Variants in LRP5 observed in about 807,000 individuals in gnomAD.
LRP5 encodes the protein LDL receptor related protein 5.
LRP5 carries 62 observed loss-of-function variants against 154.1 expected under a neutral mutation model. The ratio of observed to expected loss-of-function variants is 0.40; its 90% CI spans 0.33 to 0.50. The LOEUF is 0.50. Ranked by LOEUF, LRP5 falls within the 20% of genes least tolerant of loss-of-function variation. The pLI is 0.55. For missense variants in LRP5, 1,915 were observed against 2,336.7 expected, an observed-to-expected ratio of 0.82 and a Z score of 3.72; for synonymous variants, 966 against 1,011.5, an observed-to-expected ratio of 0.96 and a Z score of 0.85.
At chr11:68,334,814 C>T (rs182637958) in intron 1 of LRP5, among the ~76,000 whole-genome samples, 1 of 152,142 alleles carries the variant, frequency 6.6e-6, no homozygotes, top group Admixed American at 6.5e-5. Flanking sequence ...TGCAGTGAGT[C>T]GAGATCACGC....
At position 68,406,720 on chromosome 11, in the gene LRP5, C is replaced by G; in HGVS notation, c.1998C>G (p.Asp666Glu). The change falls in exon 9 of 23, where the codon GAC (aspartate) becomes GAG (glutamate). Residue 666 changes from aspartate to glutamate, a missense_variant. Coordinates refer to ENST00000294304, the MANE Select transcript of LRP5 (RefSeq NM_002335.4). ...HRISLETNNNDVAIPLTGVKE... is the reference protein window; with the variant it reads ...HRISLETNNNEVAIPLTGVKE... The stretch of plus-strand genomic sequence containing the variant: ...TCTCCCTCGAGACCAATAACAACGA[C>G]GTGGCCATCCCGCTCACGGGCGTCA... The G allele has an allele frequency of 6.2e-7, 1 of 1,614,184 alleles. No individual in the cohort carries two copies. The highest frequency in any genetic ancestry group is 8.5e-7 in the Non-Finnish European group (1 of 1,180,034).
At chr11:68,373,407 G>A (rs1022369815) in intron 5 of LRP5, among the ~76,000 whole-genome samples, 16 of 152,124 alleles carry the variant, frequency 1.1e-4, no homozygotes, top group Non-Finnish European at 2.1e-4. Context: ...GCCCCGCACT[G>A]CTGTGTGCCT....
chr11:68,319,224 T>C (rs911074875), intron 1 of LRP5, among the ~76,000 whole-genome samples: 8 of 152,204 alleles, frequency 5.3e-5, no homozygotes, highest in Middle Eastern at 3.4e-3. Flanking sequence ...TCTGCCACCA[T>C]GCCCAGCTAA....
At chr11:68,424,081 C>G (rs1437892610) in intron 14 of LRP5, among the ~76,000 whole-genome samples, 1 of 152,214 alleles carries the variant, frequency 6.6e-6, no homozygotes, top group Non-Finnish European at 1.5e-5. Context: ...CTCCCAGAGG[C>G]CCCCGACGCT....
chr11:68,339,487 A>G (rs1056265280), intron 1 of LRP5, among the ~76,000 whole-genome samples: 4 of 151,912 alleles, frequency 2.6e-5, no homozygotes, highest in African/African-American at 7.3e-5. Flanking sequence ...AGCTGGTATT[A>G]CAGGCGCCCT....
Position 68,413,707 on chromosome 11 carries a change from T to TCC in LRP5, c.2522_2523insCC (p.Ala842LeufsTer11). 1 of 1,613,820 alleles carries TCC rather than the reference T, an allele frequency of 6.2e-7. No individual in the cohort carries two copies. The highest frequency in any genetic ancestry group is 1.1e-5 in the South Asian group (1 of 91,084). On this transcript the variant is annotated frameshift_variant, in exon 12 of 23. Coordinates refer to ENST00000294304, the MANE Select transcript of LRP5 (RefSeq NM_002335.4). LOFTEE classifies it high-confidence loss of function. The surrounding 1 kb of genome is among the most constrained non-coding windows in gnomAD (Gnocchi z 5.1). The stretch of plus-strand genomic sequence containing the variant: ...CATGCAGGTCAGGAGCGGGTCGTGA[T>TCC]TGCCGACGATCTCCCGCACCCGTTC...
intron 2 of LRP5, among the ~76,000 whole-genome samples, chr11:68,349,177 C>T (rs1470747308): frequency 1.3e-5 from 2 of 151,836 alleles, no homozygotes; most frequent in African/African-American, 4.8e-5. Context: ...GGATTACAGG[C>T]GCCCACCACC....
At chr11:68,441,113 C>G (rs1203912679) in intron 21 of LRP5, among the ~76,000 whole-genome samples, 1 of 151,058 alleles carries the variant, frequency 6.6e-6, no homozygotes, top group Non-Finnish European at 1.5e-5. Context: ...GGGTCTCGCT[C>G]TGTCACCCAG....
chr11:68,407,131 T>C (rs2098656178), intron 9 of LRP5, among the ~76,000 whole-genome samples: 1 of 151,922 alleles, frequency 6.6e-6, no homozygotes, highest in African/African-American at 2.4e-5. Context: ...TCTTCATTTA[T>C]AGTGCAAATG....
At chr11:68,411,735 G>A in intron 11 of LRP5, 115 bp downstream of exon 11, 1 of 1,157,374 alleles carries the variant, frequency 8.6e-7, no homozygotes, top group Non-Finnish European at 1.2e-6. Flanking sequence ...CCTGGCAGGA[G>A]CTGTGGCCAC....
At chr11:68,433,889 G>T in intron 18 of LRP5, 51 bp downstream of exon 18, 1 of 1,560,170 alleles carries the variant, frequency 6.4e-7, no homozygotes, top group Non-Finnish European at 8.7e-7. Context: ...CTGCCCTCCG[G>T]GATACGAGCT....
chr11:68,436,205 C>T (rs2098674800), intron 18 of LRP5, among the ~76,000 whole-genome samples: 1 of 152,204 alleles, frequency 6.6e-6, no homozygotes, highest in South Asian at 2.1e-4. Flanking sequence ...AGAAAATCAT[C>T]CCATCCATTA....
intron 1 of LRP5, among the ~76,000 whole-genome samples, chr11:68,340,799 A>G (rs2098608488): frequency 6.6e-6 from 1 of 152,226 alleles, no homozygotes; most frequent in East Asian, 1.9e-4. Flanking sequence ...TATATTTACC[A>G]GTATTACAAT....
chr11:68,390,674 C>T lies in LRP5; in HGVS notation c.1584+622C>T, dbSNP rs2098645774. Among the ~76,000 whole-genome samples the T allele has an allele frequency of 3.4e-5, 5 of 148,948 alleles. No individual in the cohort carries two copies. The South Asian group carries it at 1.1e-3, about 33-fold the overall frequency. ...TGCCGCTGTGGTCGGGTTTCAGTGG[C>T]CTCGTCCCGTGGACGCAGCCTCGCC... On this transcript the variant is annotated intron_variant, in intron 7 of 22. Transcript: ENST00000294304.
chr11:68,352,520 C>T (rs190881583), intron 2 of LRP5, among the ~76,000 whole-genome samples: 1 of 152,338 alleles, frequency 6.6e-6, no homozygotes, highest in Non-Finnish European at 1.5e-5. Context: ...TTGGGAAGTG[C>T]TCAGTGCTAG....
intron 18 of LRP5, among the ~76,000 whole-genome samples, chr11:68,434,196 G>A (rs1178803215): frequency 6.6e-6 from 1 of 152,196 alleles, no homozygotes. Flanking sequence ...CAGTCTGTGG[G>A]ATAGTGCTTA....
chr11:68,423,741 T>C lies in LRP5; in HGVS notation c.3236+44T>C, dbSNP rs767564508. 3.2e-6 allele frequency: 5 copies of C among 1,554,188 alleles called. No individual in the cohort carries two copies. Among genetic ancestry groups the C allele is most frequent in the Non-Finnish European group, 3.5e-6 (4 of 1,145,800 alleles). On this transcript the variant is annotated intron_variant, in intron 14 of 22. Transcript: ENST00000294304. This position sits in a 1 kb window ranked among gnomAD's most constrained non-coding sequence, Gnocchi z 4.7. ...GGTGGGGGTGCTGCCCGTCCAGGCG[T>C]GCCCGCCGTGTCTTCTGCCGAATGC... is the stretch of plus-strand genomic sequence containing the variant.
rs537259719 is a variant in LRP5, at chr11:68,374,442, C to T, written c.1015+8740C>T. Among the ~76,000 whole-genome samples the T allele has an allele frequency of 4.6e-5, 7 of 152,278 alleles. No individual in the cohort carries two copies. In the East Asian group the frequency reaches 1.2e-3, roughly 25 times the overall value. On this transcript the variant is annotated intron_variant, in intron 5 of 22. Transcript: ENST00000294304. Reference sequence around the variant, plus strand: ...GCAGCTGCTGTTCTCAGCCATGGACCGTGAATTTTTAATAGCAAGAAAATC... The same window carrying T: ...GCAGCTGCTGTTCTCAGCCATGGACTGTGAATTTTTAATAGCAAGAAAATC...
intron 5 of LRP5, among the ~76,000 whole-genome samples, chr11:68,385,343 G>C (rs868687316): frequency 6.6e-6 from 1 of 152,194 alleles, no homozygotes; most frequent in African/African-American, 2.4e-5. Context: ...CAGAGACCCA[G>C]GTGGCTGTGG....
Sources: gnomAD v4.1 joint callset for allele counts (sites outside exome capture counted in the v4.1 genomes callset) on GRCh38, gnomAD v4.1.1 for gene constraint, Gnocchi (gnomAD v3.1) non-coding constraint, MANE v1.5 for transcripts, NCBI Gene and HGNC (gene_info 2026-07-23, HGNC 2026-07-21) for gene names.